The following ANKRD29 variants were observed in gnomAD, a reference collection of about 807,000 sequenced individuals.
ANKRD29 encodes the protein ankyrin repeat domain-containing protein 29.
ANKRD29 carries 32 observed loss-of-function variants against 38.0 expected under a neutral mutation model. That is an observed-to-expected ratio of 0.84 (90% CI 0.64 to 1.13). The LOEUF is 1.13. ANKRD29 is among the 50% of genes most tolerant of loss of function. The probability of loss-of-function intolerance (pLI) is 0.00; values close to 1 mark genes in which losing one functional copy is unlikely to be tolerated. For synonymous variants in ANKRD29, 135 were observed against 152.4 expected, an observed-to-expected ratio of 0.89 and a Z score of 0.84; for missense variants, 357 against 377.9, an observed-to-expected ratio of 0.94 and a Z score of 0.46.
chr18:23,639,031 T>C (rs2060039072), intron 3 of ANKRD29, 84 bp from the exon 4 acceptor site: 7 of 1,058,892 alleles, frequency 6.6e-6, no homozygotes, highest in Non-Finnish European at 9.5e-6. Context: ...AACAAAACAA[T>C]ATCCTTGCAT....
intron 5 of ANKRD29, among the ~76,000 whole-genome samples, chr18:23,631,185 C>G (rs2059927355): frequency 6.6e-6 from 1 of 151,432 alleles, no homozygotes. Context: ...ATTGCTTGAG[C>G]CCAGGAGTTC....
Position 23,617,794 on chromosome 18 carries a change from T to C in ANKRD29, c.661A>G (p.Lys221Glu). 1.2e-6 allele frequency: 2 copies of C among 1,614,110 alleles called. No homozygotes were observed. Among genetic ancestry groups the C allele is most frequent in the South Asian group, 2.2e-5 (2 of 91,084 alleles). The change falls in exon 8 of 10, where the codon AAA (lysine) becomes GAA (glutamate). Residue 221 changes from lysine to glutamate, a missense_variant. Transcript: ENST00000592179. Reference protein sequence around the residue: ...GTTALLKAANKGYNDVIKELL... With the variant: ...GTTALLKAANEGYNDVIKELL... Reference sequence around the variant, plus strand: ...TCTTTTATGACATCATTATACCCTTTGTTGGCTGCTTTCAATAATGCTGTT... The same window carrying C: ...TCTTTTATGACATCATTATACCCTTCGTTGGCTGCTTTCAATAATGCTGTT...
intron 4 of ANKRD29, among the ~76,000 whole-genome samples, chr18:23,637,322 C>T (rs777342419): frequency 6.6e-6 from 1 of 152,164 alleles, no homozygotes; most frequent in African/African-American, 2.4e-5. Flanking sequence ...AAGGCATATA[C>T]GTAGTACAAT....
chr18:23,653,770 C>T (rs2060241141), intron 1 of ANKRD29, among the ~76,000 whole-genome samples: 1 of 151,894 alleles, frequency 6.6e-6, no homozygotes, highest in Admixed American at 6.6e-5. Context: ...AGCGTTTTGC[C>T]ACATTGGCCA....
intron 1 of ANKRD29, among the ~76,000 whole-genome samples, chr18:23,659,564 G>A (rs1467947638): frequency 6.6e-6 from 1 of 151,986 alleles, no homozygotes; most frequent in African/African-American, 2.4e-5. Flanking sequence ...CCAACATGGT[G>A]AAACCCGGTC....
intron 3 of ANKRD29, among the ~76,000 whole-genome samples, chr18:23,645,921 T>A (rs1449079762): frequency 6.6e-6 from 1 of 152,064 alleles, no homozygotes; most frequent in Non-Finnish European, 1.5e-5. Context: ...AAGAACTGAT[T>A]TAAGCTTGAT....
intron 1 of ANKRD29, among the ~76,000 whole-genome samples, chr18:23,650,957 A>G (rs2060203343): frequency 6.6e-6 from 1 of 152,240 alleles, no homozygotes; most frequent in Non-Finnish European, 1.5e-5. Flanking sequence ...TAAAACATCT[A>G]CGCGACTCAA....
intron 1 of ANKRD29, among the ~76,000 whole-genome samples, chr18:23,659,101 C>T (rs955359653): frequency 1.3e-5 from 2 of 152,178 alleles, no homozygotes; most frequent in African/African-American, 4.8e-5. Flanking sequence ...CCTGCCTCAG[C>T]CTCCCCAGTA....
Position 23,649,145 on chromosome 18 carries a change from T to C in ANKRD29, c.70A>G (p.Asn24Asp). Residue 24 changes from asparagine to aspartate, a missense_variant, in exon 2 of 10, where the codon AAC (asparagine) becomes GAC (aspartate). By Grantham distance (23) the Asn-to-Asp change is conservative. Coordinates refer to ENST00000592179, the MANE Select transcript of ANKRD29 (RefSeq NM_173505.4). ...NAAFWAARRG[N>D]LALLKLLLNS... The stretch of plus-strand genomic sequence containing the variant: ...AACAGCAGCTTCAGCAGCGCCAGGT[T>C]TCCTCTCCTGGCTGCCCAGAATGCA... The C allele has an allele frequency of 2.5e-6, 4 of 1,614,196 alleles. No homozygotes were observed. The highest frequency in any genetic ancestry group is 3.4e-6 in the Non-Finnish European group (4 of 1,180,002).
chr18:23,630,039 T>G (rs1355989973), intron 5 of ANKRD29, 88 bp from the exon 6 acceptor site: 8 of 1,093,494 alleles, frequency 7.3e-6, no homozygotes, highest in Non-Finnish European at 1.1e-5. Context: ...GGCTCATGCC[T>G]GTAATCACAG....
chr18:23,657,256 C>T (rs182058315), intron 1 of ANKRD29, among the ~76,000 whole-genome samples: 207 of 152,338 alleles, frequency 1.4e-3, no homozygotes, highest in Non-Finnish European at 2.4e-3. Flanking sequence ...TACAAAACAT[C>T]CACACTCAAC....
At chr18:23,643,164 A>C (rs573443738) in intron 3 of ANKRD29, among the ~76,000 whole-genome samples, 2 of 152,324 alleles carry the variant, frequency 1.3e-5, no homozygotes, top group Non-Finnish European at 2.9e-5. Flanking sequence ...TCCTAGTCAG[A>C]TATAACCCAC....
rs1224639909 is a variant in ANKRD29, at chr18:23,599,980, G to A, written c.*1246C>T. On this transcript the variant is annotated 3_prime_UTR_variant, in exon 10 of 10. Coordinates refer to ENST00000592179, the MANE Select transcript of ANKRD29 (RefSeq NM_173505.4). ...TTACATAGACACTGACTGAAAACCA[G>A]AGCAGAACATGAAGAAATAAGCTAA... 1 of 152,144 alleles carries A rather than the reference G, an allele frequency of 6.6e-6. No homozygotes were observed. The highest frequency in any genetic ancestry group is 1.5e-5 in the Non-Finnish European group (1 of 68,038). The allele number at this position is 152,144 out of a possible 1,614,324, so 9.4% of individuals were successfully genotyped here. A position where few individuals can be genotyped will look rare whatever the true frequency, so the allele number is the denominator to read the frequency against.
intron 8 of ANKRD29, among the ~76,000 whole-genome samples, chr18:23,617,006 G>A (rs530241090): frequency 6.6e-6 from 1 of 152,002 alleles, no homozygotes; most frequent in Admixed American, 6.6e-5. Context: ...ATCACTTGAG[G>A]TCAGGAGTTC....
At chr18:23,612,502 C>T (rs1599067161) in intron 8 of ANKRD29, among the ~76,000 whole-genome samples, 1 of 152,216 alleles carries the variant, frequency 6.6e-6, no homozygotes, top group African/African-American at 2.4e-5. Context: ...GAAACAACAA[C>T]GCCGTGCCCA....
At chr18:23,653,730 C>G (rs943692886) in intron 1 of ANKRD29, among the ~76,000 whole-genome samples, 3 of 151,920 alleles carry the variant, frequency 2.0e-5, no homozygotes, top group African/African-American at 7.3e-5. Context: ...CTGACCATGC[C>G]TGGCTAATTT....
chr18:23,644,409 T>G (rs1159221851), intron 3 of ANKRD29, among the ~76,000 whole-genome samples: 1 of 152,216 alleles, frequency 6.6e-6, no homozygotes, highest in African/African-American at 2.4e-5. Flanking sequence ...AATAAAAAGA[T>G]TAAAGTAATT....
At chr18:23,619,449 T>C in intron 7 of ANKRD29, 82 bp downstream of exon 7, 1 of 1,329,568 alleles carries the variant, frequency 7.5e-7, no homozygotes, top group South Asian at 1.5e-5. Context: ...CCATGTGGGC[T>C]GCAGACTCAG....
intron 8 of ANKRD29, among the ~76,000 whole-genome samples, chr18:23,615,563 C>G (rs1461128701): frequency 6.6e-6 from 1 of 151,998 alleles, no homozygotes; most frequent in African/African-American, 2.4e-5. Context: ...TGCATGCCAT[C>G]ATGACCAGTT....
Sources: allele counts gnomAD v4.1 joint callset (sites outside exome capture counted in the v4.1 genomes callset), GRCh38; gene constraint gnomAD v4.1.1; transcripts MANE v1.5; gene names NCBI Gene and HGNC (gene_info 2026-07-23, HGNC 2026-07-21).